Variants in DYSF observed in about 807,000 individuals in gnomAD.
DYSF encodes dystrophy-associated fer-1-like 1.
Under a neutral mutation model 274.9 loss-of-function variants are expected in DYSF, and 212 were observed. The observed-to-expected ratio is 0.77, with a 90% CI of 0.69 to 0.86. The LOEUF (loss-of-function observed/expected upper bound fraction) is 0.86, where lower values mean the gene tolerates loss of function less well. DYSF is among the 40% of genes least tolerant of loss of function. The pLI is 0.00. For synonymous variants in DYSF, 1,091 were observed against 1,078.7 expected, an observed-to-expected ratio of 1.01 and a Z score of -0.22; for missense variants, 2,666 against 2,783.2, an observed-to-expected ratio of 0.96 and a Z score of 0.95.
At chr2:71,602,881 G>A (rs2093579484) in intron 36 of DYSF, 76 bp downstream of exon 36, 4 of 1,567,812 alleles carry the variant, frequency 2.6e-6, no homozygotes, top group Admixed American at 1.7e-5. Context: ...GCACACACCT[G>A]GAGCCTTCCA....
At chr2:71,659,619 T>A (rs1205460839) in intron 44 of DYSF, among the ~76,000 whole-genome samples, 1 of 152,254 alleles carries the variant, frequency 6.6e-6, no homozygotes, top group Non-Finnish European at 1.5e-5. Flanking sequence ...TTTTAAAATA[T>A]TTCATTAAAG....
intron 32 of DYSF, among the ~76,000 whole-genome samples, chr2:71,591,996 T>C (rs1048244760): frequency 1.3e-5 from 2 of 152,254 alleles, no homozygotes; most frequent in African/African-American, 2.4e-5. Flanking sequence ...AGTGGCTAAC[T>C]TGTCCTGGGA....
intron 23 of DYSF, 148 bp from the exon 24 acceptor site, chr2:71,563,910 G>T: frequency 8.6e-7 from 1 of 1,157,812 alleles, no homozygotes. Context: ...GAGGTCTGGG[G>T]GAAGGCCAGG....
intron 40 of DYSF, among the ~76,000 whole-genome samples, chr2:71,618,382 AGAGGTGGTG>A (rs2093980697): frequency 6.3e-5 from 1 of 15,880 alleles, no homozygotes; most frequent in Non-Finnish European, 1.3e-4. Flanking sequence ...CATGTGTGGT[AGAGGTGGTG>A]TGTGTGTGTG....
chr2:71,542,756 C>A (rs1395841448), intron 17 of DYSF, among the ~76,000 whole-genome samples: 1 of 152,206 alleles, frequency 6.6e-6, no homozygotes, highest in Non-Finnish European at 1.5e-5. Flanking sequence ...AAAATGGAGT[C>A]TCCTATGCCC....
intron 1 of DYSF, among the ~76,000 whole-genome samples, chr2:71,458,848 A>G (rs1382287911): frequency 6.6e-6 from 1 of 152,222 alleles, no homozygotes; most frequent in East Asian, 1.9e-4. Context: ...CAGAAGTGGA[A>G]ACAGACACTG....
intron 48 of DYSF, 45 bp downstream of exon 48, chr2:71,667,560 A>G (rs1206616375): frequency 1.9e-6 from 3 of 1,612,484 alleles, no homozygotes; most frequent in Non-Finnish European, 2.5e-6. Context: ...AACTCCAGAA[A>G]GCCCCAACCC....
intron 10 of DYSF, 64 bp downstream of exon 10, chr2:71,517,103 G>A (rs773742883): frequency 6.8e-7 from 1 of 1,478,910 alleles, no homozygotes; most frequent in Non-Finnish European, 9.5e-7. Flanking sequence ...GAGCCTCTGT[G>A]GACCATGGGC....
intron 41 of DYSF, among the ~76,000 whole-genome samples, chr2:71,626,524 A>G (rs747540314): frequency 1.5e-4 from 23 of 151,730 alleles, no homozygotes; most frequent in Non-Finnish European, 2.2e-4. Context: ...AATTACAGTA[A>G]TAAATATATC....
chr2:71,577,419 C>T (rs1265839863), intron 30 of DYSF, among the ~76,000 whole-genome samples: 2 of 151,696 alleles, frequency 1.3e-5, no homozygotes, highest in Non-Finnish European at 2.9e-5. Context: ...TACACACTAA[C>T]ACCTACACAA....
At chr2:71,488,896 C>G (rs2152692908) in intron 3 of DYSF, among the ~76,000 whole-genome samples, 1 of 152,280 alleles carries the variant, frequency 6.6e-6, no homozygotes, top group South Asian at 2.1e-4. Context: ...ATGGTGCCTG[C>G]AACTGGAGGG....
rs13421969 is a variant in DYSF at position 71,598,547 on chromosome 2, C to G, written c.3575-17C>G. 43 of 1,613,996 alleles carry G rather than the reference C, an allele frequency of 2.7e-5. No individual in the cohort carries two copies. The East Asian group carries it at 6.0e-4, about 23-fold the overall frequency. On this transcript the variant is annotated splice_polypyrimidine_tract_variant and intron_variant, in intron 32 of 55. Transcript: ENST00000410020. ...CTGCTGTGTCCTGTCTCCCCTCCCC[C>G]TCTCCGGCCCATGCAGATCCCTATG... is the stretch of plus-strand genomic sequence containing the variant.
intron 22 of DYSF, among the ~76,000 whole-genome samples, chr2:71,560,355 T>C (rs920655672): frequency 7.3e-5 from 11 of 151,534 alleles, no homozygotes; most frequent in Non-Finnish European, 1.0e-4. Flanking sequence ...CGGCTCTCCC[T>C]ATCCCTCTCC....
chr2:71,577,504 C>A (rs2092745628), intron 30 of DYSF, among the ~76,000 whole-genome samples: 1 of 136,644 alleles, frequency 7.3e-6, no homozygotes, highest in South Asian at 2.4e-4. Context: ...CACACACACA[C>A]AGCCCCACTC....
At chr2:71,618,023 T>G (rs2093949827) in intron 40 of DYSF, among the ~76,000 whole-genome samples, 1 of 132,686 alleles carries the variant, frequency 7.5e-6, no homozygotes, top group Non-Finnish European at 1.6e-5. Flanking sequence ...ATGGGGTGTG[T>G]GTGTGTGGTA....
chr2:71,652,171 T>C (rs1460534346), intron 42 of DYSF, among the ~76,000 whole-genome samples: 1 of 152,204 alleles, frequency 6.6e-6, no homozygotes, highest in Non-Finnish European at 1.5e-5. Context: ...TGACTCAATA[T>C]AGGTTAAGGT....
chr2:71,602,214 A>G (rs542338390), intron 35 of DYSF, among the ~76,000 whole-genome samples: 2 of 152,300 alleles, frequency 1.3e-5, no homozygotes, highest in Admixed American at 6.5e-5. Context: ...AGCTGCATCT[A>G]TGAGAAGTAG....
In DYSF at chr2:71,570,776, G is replaced by A. The variant is rs771484472; in HGVS notation, c.3228+35G>A. The A allele has an allele frequency of 4.3e-6, 7 of 1,611,782 alleles. No homozygotes were observed. The South Asian group carries it at 7.7e-5, about 18-fold the overall frequency. On this transcript the variant is annotated intron_variant, in intron 29 of 55. Coordinates refer to ENST00000410020, the MANE Select transcript of DYSF (RefSeq NM_001130987.2). ...CAGGTGGTGGGTGGGAGTGAGGCCT[G>A]TGGTCACAGGTGGCCAGTAGGCACA...
At chr2:71,626,072 A>G (rs2094201613) in intron 41 of DYSF, among the ~76,000 whole-genome samples, 1 of 152,024 alleles carries the variant, frequency 6.6e-6, no homozygotes, top group African/African-American at 2.4e-5. Flanking sequence ...AGTCAATCAT[A>G]TAATTTGTGA....
Sources: allele counts gnomAD v4.1 joint callset (sites outside exome capture counted in the v4.1 genomes callset), GRCh38; gene constraint gnomAD v4.1.1; transcripts MANE v1.5; gene names NCBI Gene and HGNC (gene_info 2026-07-23, HGNC 2026-07-21).